The following G2E3 variants were observed in gnomAD, a reference collection of about 807,000 sequenced individuals.
G2E3 encodes G2/M-phase specific E3 ubiquitin protein ligase, also known as G2/M phase-specific E3 ubiquitin-protein ligase.
G2E3 carries 35 observed loss-of-function variants against 92.8 expected under a neutral mutation model. The observed-to-expected ratio is 0.38, with a 90% CI of 0.29 to 0.50. The LOEUF (loss-of-function observed/expected upper bound fraction) is 0.50, where lower values mean the gene tolerates loss of function less well. Among genes scored for constraint, G2E3 ranks in the 20% least tolerant of loss-of-function variants. G2E3 has a pLI of 0.94. For synonymous variants in G2E3, 242 were observed against 272.4 expected (o/e 0.89, Z 1.10); for missense variants, 554 against 823.8 (o/e 0.67, Z 4.01).
Position 30,618,737 on chromosome 14 carries a change from G to A in G2E3, c.*2203G>A, listed in dbSNP as rs1168846317. 1 of 152,016 alleles carries A rather than the reference G, an allele frequency of 6.6e-6. No individual in the cohort carries two copies. Among genetic ancestry groups the A allele is most frequent in the Non-Finnish European group, 1.5e-5 (1 of 67,944 alleles). 9.4% of individuals were successfully genotyped at this position (152,016 alleles called of 1,614,324 possible). On this transcript the variant is annotated 3_prime_UTR_variant, in exon 15 of 15. Coordinates refer to ENST00000206595, the MANE Select transcript of G2E3 (RefSeq NM_017769.5). ...ATTATTACCATTTTTAGATTAATCT[G>A]TATGGTCAAGGAATATCAGAGAAAC...
intron 2 of G2E3, among the ~76,000 whole-genome samples, chr14:30,581,519 C>T (rs1048408230): frequency 1.3e-5 from 2 of 152,100 alleles, no homozygotes; most frequent in African/African-American, 4.8e-5. Context: ...CCAGCCTGGC[C>T]AACATGACAA....
At chr14:30,570,200 G>A (rs529630886) in intron 1 of G2E3, among the ~76,000 whole-genome samples, 5 of 152,164 alleles carry the variant, frequency 3.3e-5, no homozygotes, top group Admixed American at 3.3e-4. Context: ...AATCTTATTG[G>A]GGATATTTTG....
chr14:30,614,487 C>A (rs978669225), intron 13 of G2E3, among the ~76,000 whole-genome samples: 1 of 152,204 alleles, frequency 6.6e-6, no homozygotes, highest in African/African-American at 2.4e-5. Flanking sequence ...ATCAGGAGCT[C>A]ACTCCCACAA....
intron 1 of G2E3, among the ~76,000 whole-genome samples, chr14:30,573,877 G>C (rs1198006430): frequency 6.6e-6 from 1 of 152,012 alleles, no homozygotes; most frequent in South Asian, 2.1e-4. Context: ...CAGATATCTG[G>C]GCGTCCTGTG....
At chr14:30,589,301 G>C in intron 3 of G2E3, 82 bp from the exon 4 acceptor site, 2 of 762,482 alleles carry the variant, frequency 2.6e-6, no homozygotes, top group Non-Finnish European at 4.5e-6. Context: ...TTTTTTATTA[G>C]ACTGAATAGT....
intron 1 of G2E3, among the ~76,000 whole-genome samples, chr14:30,568,632 A>AT: frequency 6.6e-6 from 1 of 152,238 alleles, no homozygotes; most frequent in Non-Finnish European, 1.5e-5. Flanking sequence ...ACCTAGTTTG[A>AT]ATTAATACCC....
chr14:30,610,539 G>A (rs1882039753), intron 12 of G2E3, among the ~76,000 whole-genome samples: 1 of 152,192 alleles, frequency 6.6e-6, no homozygotes, highest in Non-Finnish European at 1.5e-5. Flanking sequence ...GGAGGCAGAG[G>A]TGGCAGTGAG....
intron 6 of G2E3, among the ~76,000 whole-genome samples, chr14:30,597,017 T>G (rs1454193447): frequency 6.6e-6 from 1 of 152,212 alleles, no homozygotes; most frequent in Admixed American, 6.5e-5. Flanking sequence ...TCTTAGAGAT[T>G]GAGTTAAAAA....
intron 1 of G2E3, among the ~76,000 whole-genome samples, chr14:30,573,278 C>CT (rs1232678259): frequency 6.6e-6 from 1 of 152,062 alleles, no homozygotes; most frequent in Non-Finnish European, 1.5e-5. Flanking sequence ...ACCAAAGTAA[C>CT]TAACAAATCT....
Position 30,617,190 on chromosome 14 carries a change from A to C in G2E3, c.*656A>C, listed in dbSNP as rs1882351398. The C allele has an allele frequency of 6.6e-6, 1 of 152,022 alleles. No individual in the cohort carries two copies. Among genetic ancestry groups the C allele is most frequent in the African/African-American group, 2.4e-5 (1 of 41,412 alleles). The allele number at this position is 152,022 out of a possible 1,614,324, so 9.4% of individuals were successfully genotyped here. A position where few individuals can be genotyped will look rare whatever the true frequency, so the allele number is the denominator to read the frequency against. On this transcript the variant is annotated 3_prime_UTR_variant, in exon 15 of 15. Transcript: ENST00000206595. ...ACATGTGCTTGTAATCTCAGTTATAAGGGAGGCTGAGGTGGGAGAATCGAG... is the reference window on the plus strand; with the variant it reads ...ACATGTGCTTGTAATCTCAGTTATACGGGAGGCTGAGGTGGGAGAATCGAG...
At chr14:30,587,023 GTGTT>G (rs780111700) in intron 3 of G2E3, among the ~76,000 whole-genome samples, 29 of 151,942 alleles carry the variant, frequency 1.9e-4, no homozygotes, top group African/African-American at 3.4e-4. Context: ...TCATTATTTC[GTGTT>G]TGTTTGTTTG....
chr14:30,616,587 T>C lies in G2E3; in HGVS notation c.*53T>C. Reference sequence around the variant, plus strand: ...CTTTAAAAGCTGCTATTGATAACTCTCTTTTATTTCACTAACCTTTTCATC... The same window carrying C: ...CTTTAAAAGCTGCTATTGATAACTCCCTTTTATTTCACTAACCTTTTCATC... On this transcript the variant is annotated 3_prime_UTR_variant, in exon 15 of 15. Transcript: ENST00000206595. The C allele has an allele frequency of 7.6e-7, 1 of 1,323,868 alleles. No individual in the cohort carries two copies. Among genetic ancestry groups the C allele is most frequent in the East Asian group, 2.3e-5 (1 of 43,186 alleles). 82.0% of individuals were successfully genotyped at this position (1,323,868 alleles called of 1,614,324 possible). A position where few individuals can be genotyped will look rare whatever the true frequency, so the allele number is the denominator to read the frequency against.
At chr14:30,610,538 G>A (rs1228588681) in intron 12 of G2E3, among the ~76,000 whole-genome samples, 2 of 152,190 alleles carry the variant, frequency 1.3e-5, no homozygotes, top group Non-Finnish European at 2.9e-5. Context: ...GGGAGGCAGA[G>A]GTGGCAGTGA....
At chr14:30,595,565 A>T (rs1249943960) in intron 6 of G2E3, among the ~76,000 whole-genome samples, 1 of 152,190 alleles carries the variant, frequency 6.6e-6, no homozygotes, top group East Asian at 1.9e-4. Flanking sequence ...ACTTTATGCA[A>T]ATATAACTGA....
chr14:30,601,387 T>C (rs1285207284), intron 8 of G2E3, among the ~76,000 whole-genome samples: 1 of 152,218 alleles, frequency 6.6e-6, no homozygotes, highest in African/African-American at 2.4e-5. Context: ...ATTCCTCACC[T>C]TGAAATTTAC....
At chr14:30,614,951 AATG>A (rs1246926979) in intron 13 of G2E3, among the ~76,000 whole-genome samples, 2 of 152,262 alleles carry the variant, frequency 1.3e-5, no homozygotes, top group East Asian at 3.9e-4. Flanking sequence ...ATTTTTATGT[AATG>A]AAGATTTATC....
chr14:30,612,113 G>A (rs1177373198), intron 12 of G2E3, 94 bp from the exon 13 acceptor site: 1 of 864,378 alleles, frequency 1.2e-6, no homozygotes, highest in Non-Finnish European at 1.9e-6. Context: ...TATGTACTAA[G>A]AAATTTGAGT....
rs1881123347 is a variant in G2E3 at position 30,593,558 on chromosome 14, A to G, written c.447A>G (p.Glu149=). 1 of 1,595,438 alleles carries G rather than the reference A, an allele frequency of 6.3e-7. No individual in the cohort carries two copies. The highest frequency in any genetic ancestry group is 8.6e-7 in the Non-Finnish European group (1 of 1,163,674). Residue 149 remains glutamate (E), a synonymous_variant, in exon 6 of 15, where the codon GAA becomes GAG. Coordinates refer to ENST00000206595, the MANE Select transcript of G2E3 (RefSeq NM_017769.5). Reference sequence around the variant, plus strand: ...CCTTACCATGCACCATTTGCTTGGAATTTATTGAGCCTATTCCAAGTTATA... The same window carrying G: ...CCTTACCATGCACCATTTGCTTGGAGTTTATTGAGCCTATTCCAAGTTATA... ...RESLPCTICL[E]FIEPIPSYNI... is the part of the protein sequence containing the mutation.
intron 1 of G2E3, among the ~76,000 whole-genome samples, chr14:30,563,532 G>C (rs1031443421): frequency 6.6e-6 from 1 of 152,118 alleles, no homozygotes; most frequent in Non-Finnish European, 1.5e-5. Context: ...AAGCTGGAAA[G>C]GTCTTATGTG....
Sources: allele counts gnomAD v4.1 joint callset (sites outside exome capture counted in the v4.1 genomes callset), GRCh38; gene constraint gnomAD v4.1.1; transcripts MANE v1.5; gene names NCBI Gene and HGNC (gene_info 2026-07-23, HGNC 2026-07-21).